The following RPS29 variants were observed in gnomAD, a reference collection of about 807,000 sequenced individuals.
RPS29 encodes the protein ribosomal protein S29.
For missense variants in RPS29, 60 were observed against 75.7 expected (o/e 0.79, Z 0.77); for synonymous variants, 37 against 26.9 (o/e 1.37, Z -1.16).
intron 2 of RPS29, among the ~76,000 whole-genome samples, chr14:49,578,092 C>A (rs1463573738): frequency 6.6e-6 from 1 of 151,756 alleles, no homozygotes; most frequent in African/African-American, 2.4e-5. Flanking sequence ...AACATGAGAG[C>A]CTTCATGCCT....
At chr14:49,580,292 A>T (rs1240346340), downstream of RPS29, among the ~76,000 whole-genome samples, 1 of 152,132 alleles carries the variant, frequency 6.6e-6, no homozygotes, top group Non-Finnish European at 1.5e-5. Flanking sequence ...ACAGCTTCTC[A>T]TCCACTCTAT....
At chr14:49,596,195 CAA>C (rs552274968) in intron 1 of RPS29, among the ~76,000 whole-genome samples, 43 of 151,882 alleles carry the variant, frequency 2.8e-4, no homozygotes, top group African/African-American at 9.9e-4. Context: ...TTAATATGAA[CAA>C]AAAGAGAGAA....
exon 3 of RPS29, chr14:49,573,431 C>G (rs1881104410): frequency 6.7e-6 from 1 of 149,836 alleles, no homozygotes; most frequent in South Asian, 2.1e-4. Context: ...CAAGATGGCA[C>G]CACTGCACTC....
intron 1 of RPS29, among the ~76,000 whole-genome samples, chr14:49,595,292 G>A (rs958581351): frequency 1.3e-5 from 2 of 152,020 alleles, no homozygotes; most frequent in African/African-American, 4.8e-5. Context: ...CGTTCTTTAA[G>A]AATCTGATGT....
At chr14:49,590,590 T>C (rs1044190375), upstream of RPS29, among the ~76,000 whole-genome samples, 4 of 152,336 alleles carry the variant, frequency 2.6e-5, no homozygotes, top group Non-Finnish European at 4.4e-5. Flanking sequence ...TATTTTACCA[T>C]AGACAGAGTC....
At chr14:49,588,223 A>C (rs1881632413), upstream of RPS29, among the ~76,000 whole-genome samples, 1 of 152,234 alleles carries the variant, frequency 6.6e-6, no homozygotes, top group African/African-American at 2.4e-5. Flanking sequence ...TTTGGGCCTA[A>C]AGAAGTGAAT....
At chr14:49,592,797 A>T (rs771909813) in intron 1 of RPS29, among the ~76,000 whole-genome samples, 18 of 151,352 alleles carry the variant, frequency 1.2e-4, no homozygotes, top group Non-Finnish European at 2.7e-4. Flanking sequence ...AATCCCAGCT[A>T]CTCAGGAGGC....
At chr14:49,594,726 A>G (rs1202005592) in intron 1 of RPS29, among the ~76,000 whole-genome samples, 2 of 152,246 alleles carry the variant, frequency 1.3e-5, no homozygotes, top group Admixed American at 1.3e-4. Flanking sequence ...TCCTTCACAC[A>G]TGTCCTCCTT....
At chr14:49,590,475 C>CA (rs1418949611), upstream of RPS29, among the ~76,000 whole-genome samples, 14 of 147,542 alleles carry the variant, frequency 9.5e-5, no homozygotes, top group South Asian at 2.2e-4. Flanking sequence ...GATTCCGTCT[C>CA]AAAAAAAAAC....
At chr14:49,577,669 G>T in exon 3 of RPS29, 1 of 756,896 alleles carries the variant, frequency 1.3e-6, no homozygotes, top group Non-Finnish European at 2.4e-6. Context: ...TATGAACCCT[G>T]TTGTTAATAC....
chr14:49,588,992 C>T (rs764188162), upstream of RPS29, among the ~76,000 whole-genome samples: 1 of 144,432 alleles, frequency 6.9e-6, no homozygotes, highest in African/African-American at 2.5e-5. Flanking sequence ...CCCGGGTTCA[C>T]GCCATTCTCC....
At chr14:49,586,386 G>GC, upstream of RPS29, 2 of 1,573,344 alleles carry the variant, frequency 1.3e-6, no homozygotes, top group South Asian at 1.1e-5. Context: ...GGAAGAAGCT[G>GC]GCCCACGCAT....
In RPS29 at chr14:49,584,693, G is replaced by C. The variant is rs541205367; in HGVS notation, c.163-1018C>G. ...ACAGGAGAATCGCTTGAATCCGGGA[G>C]GGGGAGGCTAGTGAGCTGAGATCAC... On this transcript the variant is annotated intron_variant, in intron 2 of 2. Transcript: ENST00000245458. 2.7e-4 allele frequency among the ~76,000 whole-genome samples: 21 copies of C among 77,226 alleles called. 1 individual carries two copies. The highest frequency in any genetic ancestry group is 9.9e-4 in the Admixed American group (8 of 8,106). The allele number at this position is 77,226 out of a possible 152,430, so 50.7% of individuals were successfully genotyped here.
chr14:49,585,637 TA>T, intron 2 of RPS29: 1 of 435,004 alleles, frequency 2.3e-6, no homozygotes. Flanking sequence ...GAAACAAATG[TA>T]AAACAATTTT....
chr14:49,585,487 A>C (rs748488661), intron 2 of RPS29: 3 of 200,972 alleles, frequency 1.5e-5, no homozygotes, highest in Non-Finnish European at 3.0e-5. Flanking sequence ...CGCCAAGGCA[A>C]GAGGATCGCC....
chr14:49,586,381 A>C, upstream of RPS29: 1 of 1,593,496 alleles, frequency 6.3e-7, no homozygotes, highest in African/African-American at 1.3e-5. Flanking sequence ...TAAAAGGAAG[A>C]AGCTGGCCCA....
chr14:49,597,780 G>A (rs1186458764), intron 1 of RPS29: 1 of 151,834 alleles, frequency 6.6e-6, no homozygotes, highest in Non-Finnish European at 1.5e-5. Flanking sequence ...CCCAATAGCT[G>A]GGACTACAGA....
upstream of RPS29, chr14:49,586,452 C>A (rs1187728412): frequency 1.2e-5 from 12 of 985,786 alleles, no homozygotes; most frequent in Admixed American, 2.2e-4. Context: ...AAAGGAAACG[C>A]GTGCGCAGTG....
chr14:49,598,237 A>G (rs1881880393), intron 1 of RPS29: 1 of 581,642 alleles, frequency 1.7e-6, no homozygotes, highest in Non-Finnish European at 3.0e-6. Flanking sequence ...CCCGACCGTG[A>G]GCGCCTGCTT....
Sources: gnomAD v4.1 joint callset for allele counts (sites outside exome capture counted in the v4.1 genomes callset) on GRCh38, gnomAD v4.1.1 for gene constraint, MANE v1.5 for transcripts, NCBI Gene and HGNC (gene_info 2026-07-23, HGNC 2026-07-21) for gene names.